CACNA2D1: variants seen among roughly 807,000 people sequenced by gnomAD.
The protein encoded by CACNA2D1 is calcium voltage-gated channel auxiliary subunit alpha2delta 1.
Under a neutral mutation model 171.5 loss-of-function variants are expected in CACNA2D1, and 53 were observed. The observed-to-expected ratio is 0.31, with a 90% confidence interval of 0.25 to 0.39. The LOEUF (loss-of-function observed/expected upper bound fraction) is 0.39, where lower values mean the gene tolerates loss of function less well. Ranked by LOEUF, CACNA2D1 falls within the 10% of genes least tolerant of loss-of-function variation. The pLI is 1.00. For synonymous variants in CACNA2D1, 442 were observed against 443.1 expected (o/e 1.00, Z 0.03); for missense variants, 903 against 1,299.8 (o/e 0.69, Z 4.69).
chr7:82,388,094 C>T (rs569921407), intron 1 of CACNA2D1, among the ~76,000 whole-genome samples: 206 of 141,426 alleles, frequency 1.5e-3, no homozygotes, highest in African/African-American at 4.6e-3. Flanking sequence ...CAAAAACAAA[C>T]AACAAAAAAA....
intron 3 of CACNA2D1, among the ~76,000 whole-genome samples, chr7:82,241,746 C>T (rs570974731): frequency 1.3e-5 from 2 of 152,104 alleles, no homozygotes; most frequent in East Asian, 3.9e-4. Context: ...TGGGCCCAGT[C>T]ACATATATGT....
chr7:82,109,771 C>A (rs1247676898), intron 6 of CACNA2D1, among the ~76,000 whole-genome samples: 1 of 152,108 alleles, frequency 6.6e-6, no homozygotes. Context: ...AGAAGCATTT[C>A]CTATTAGATA....
intron 1 of CACNA2D1, among the ~76,000 whole-genome samples, chr7:82,385,223 G>A (rs1027922037): frequency 4.6e-5 from 7 of 152,276 alleles, no homozygotes; most frequent in South Asian, 4.1e-4. Flanking sequence ...CAAAGAGGCC[G>A]GAATCTTCAC....
At chr7:82,425,195 T>G (rs80247894) in intron 1 of CACNA2D1, among the ~76,000 whole-genome samples, 5,343 of 152,072 alleles carry the variant, frequency 0.035, 177 homozygotes, top group East Asian at 0.12. Flanking sequence ...TTCAAAGGGG[T>G]ATTGAGCCCC....
At chr7:82,332,321 G>A (rs7797848) in intron 3 of CACNA2D1, among the ~76,000 whole-genome samples, 12,854 of 152,050 alleles carry the variant, frequency 0.085, 1,801 homozygotes, top group African/African-American at 0.29. Context: ...CTCCCAAAGT[G>A]CTGAGATTAC....
chr7:82,395,997 T>C lies in CACNA2D1; in HGVS notation c.96-46348A>G, dbSNP rs561331359. On this transcript the variant is annotated intron_variant, in intron 1 of 38. Coordinates refer to ENST00000356860, the MANE Select transcript of CACNA2D1 (RefSeq NM_000722.4). ...TGCAGCATCCTTTATAATTTTCTCTTTTCAGCATTACAGAATTGTTTGGAC... is the reference window on the plus strand; with the variant it reads ...TGCAGCATCCTTTATAATTTTCTCTCTTCAGCATTACAGAATTGTTTGGAC... Among the ~76,000 whole-genome samples, 4 of 152,336 alleles carry C rather than the reference T, an allele frequency of 2.6e-5. No homozygotes were observed. The South Asian group carries it at 8.3e-4, about 32-fold the overall frequency.
At chr7:82,152,944 T>C (rs1268029481) in intron 4 of CACNA2D1, among the ~76,000 whole-genome samples, 1 of 151,726 alleles carries the variant, frequency 6.6e-6, no homozygotes, top group Non-Finnish European at 1.5e-5. Context: ...TAGTAATTTA[T>C]TAACTTTCGA....
intron 3 of CACNA2D1, among the ~76,000 whole-genome samples, chr7:82,238,528 G>C (rs987507708): frequency 6.6e-6 from 1 of 151,962 alleles, no homozygotes; most frequent in Non-Finnish European, 1.5e-5. Flanking sequence ...AAACTACAAT[G>C]AGATACCATC....
At position 82,117,095 on chromosome 7, in the gene CACNA2D1, T is replaced by C. The variant is rs187418422; in HGVS notation, c.475A>G (p.Ile159Val). The C allele has an allele frequency of 1.2e-6, 2 of 1,613,830 alleles. No individual in the cohort carries two copies. Among genetic ancestry groups the C allele is most frequent in the South Asian group, 1.1e-5 (1 of 91,084 alleles). The change falls in exon 6 of 39, where the codon ATA becomes GTA. Residue 159 changes from isoleucine (I) to valine (V), a missense_variant. Ile to Val is a conservative substitution (Grantham distance 29). Coordinates refer to ENST00000356860, the MANE Select transcript of CACNA2D1 (RefSeq NM_000722.4). Reference protein sequence around the residue: ...FIEDANFGRQISYQHAAVHIP... With the variant: ...FIEDANFGRQVSYQHAAVHIP... The stretch of plus-strand genomic sequence containing the variant: ...TGGACTGCTGCGTGCTGATAAGATA[T>C]TTGTCGTCCAAAATTAGCATCTTCA...
intron 4 of CACNA2D1, among the ~76,000 whole-genome samples, chr7:82,166,457 C>A (rs1387163417): frequency 6.6e-6 from 1 of 152,008 alleles, no homozygotes; most frequent in South Asian, 2.1e-4. Context: ...AAATTAGACA[C>A]CCCTTATGTT....
At chr7:82,427,483 G>A (rs1829297757) in intron 1 of CACNA2D1, among the ~76,000 whole-genome samples, 1 of 152,184 alleles carries the variant, frequency 6.6e-6, no homozygotes, top group Non-Finnish European at 1.5e-5. Context: ...ACGAAGGTAG[G>A]TCTTACATCT....
chr7:82,352,537 T>A (rs1819967468), intron 1 of CACNA2D1, among the ~76,000 whole-genome samples: 1 of 152,230 alleles, frequency 6.6e-6, no homozygotes, highest in Non-Finnish European at 1.5e-5. Flanking sequence ...TGTTCTTTGT[T>A]AATCCATTCA....
At chr7:82,155,380 A>G (rs1395586386) in intron 4 of CACNA2D1, among the ~76,000 whole-genome samples, 2 of 152,164 alleles carry the variant, frequency 1.3e-5, no homozygotes, top group African/African-American at 4.8e-5. Context: ...CAATGTCTCA[A>G]AGTAAGTATG....
intron 2 of CACNA2D1, among the ~76,000 whole-genome samples, chr7:82,344,478 C>T (rs1045497170): frequency 2.0e-5 from 3 of 152,020 alleles, no homozygotes; most frequent in African/African-American, 7.2e-5. Context: ...AAAGAAAAAA[C>T]GTTTTAATAT....
intron 1 of CACNA2D1, among the ~76,000 whole-genome samples, chr7:82,372,256 G>A (rs1336540425): frequency 6.6e-6 from 1 of 152,078 alleles, no homozygotes; most frequent in Admixed American, 6.6e-5. Context: ...CAAAAAGCAT[G>A]CTCAACTACA....
intron 18 of CACNA2D1, among the ~76,000 whole-genome samples, chr7:82,000,849 T>G (rs1798537279): frequency 8.0e-6 from 1 of 125,732 alleles, no homozygotes; most frequent in East Asian, 2.7e-4. Flanking sequence ...CTGGCTGGTC[T>G]CAAACTCCTG....
rs1562980706 is a variant in CACNA2D1, at chr7:82,060,157, ATATATATAAT to A, written c.879+261_879+270del. 6.5e-3 allele frequency among the ~76,000 whole-genome samples: 228 copies of A among 35,140 alleles called. 52 individuals carry two copies. The highest frequency in any genetic ancestry group is 8.1e-3 in the Non-Finnish European group (149 of 18,476). 23.1% of individuals were successfully genotyped at this position (35,140 alleles called of 152,430 possible). ...AACTTAAATTATATATATGTATTAT[ATATATATAAT>A]ATATATATATAATATATATATATTA... On this transcript the variant is annotated intron_variant, in intron 10 of 38. Transcript: ENST00000356860.
chr7:82,137,468 C>A (rs1791759987), intron 4 of CACNA2D1, among the ~76,000 whole-genome samples: 1 of 151,958 alleles, frequency 6.6e-6, no homozygotes, highest in Non-Finnish European at 1.5e-5. Flanking sequence ...CTATCTTATT[C>A]CAAACTGATT....
At chr7:82,007,831 T>A in intron 15 of CACNA2D1, 75 bp from the exon 16 acceptor site, 1 of 815,654 alleles carries the variant, frequency 1.2e-6, no homozygotes, top group East Asian at 2.5e-5. Context: ...TAACCTTTGA[T>A]ATCTGAGATT....
Sources: gnomAD v4.1 joint callset for allele counts (sites outside exome capture counted in the v4.1 genomes callset) on GRCh38, gnomAD v4.1.1 for gene constraint, MANE v1.5 for transcripts, NCBI Gene and HGNC (gene_info 2026-07-23, HGNC 2026-07-21) for gene names.